The following TBL1XR1 variants were observed in gnomAD, a reference collection of about 807,000 sequenced individuals.
TBL1XR1 encodes F-box-like/WD repeat-containing protein TBL1XR1.
A neutral mutation model predicts 66.9 loss-of-function variants in TBL1XR1; 5 were observed. That is an observed-to-expected ratio of 0.07 (90% CI 0.04 to 0.16). The LOEUF is 0.16. Ranked by LOEUF, TBL1XR1 falls within the 10% of genes least tolerant of loss-of-function variation. The probability of loss-of-function intolerance (pLI) is 1.00; values close to 1 mark genes in which losing one functional copy is unlikely to be tolerated. For missense variants in TBL1XR1, 238 were observed against 623.2 expected (o/e 0.38, Z 6.58); for synonymous variants, 210 against 206.0 (o/e 1.02, Z -0.17).
At chr3:177,045,450 A>C (rs1187913738) in intron 10 of TBL1XR1, among the ~76,000 whole-genome samples, 1 of 152,092 alleles carries the variant, frequency 6.6e-6, no homozygotes, top group African/African-American at 2.4e-5. Flanking sequence ...GGCTCTACTC[A>C]AGCTGAATGT....
At chr3:177,159,493 C>CAAAATA (rs1388162522) in intron 1 of TBL1XR1, among the ~76,000 whole-genome samples, 1 of 152,096 alleles carries the variant, frequency 6.6e-6, no homozygotes, top group Non-Finnish European at 1.5e-5. Flanking sequence ...CAAGCTTGAT[C>CAAAATA]AAAATAACTA....
At chr3:177,104,739 A>T (rs553330964) in intron 1 of TBL1XR1, among the ~76,000 whole-genome samples, 2 of 152,350 alleles carry the variant, frequency 1.3e-5, no homozygotes, top group East Asian at 3.9e-4. Context: ...CAATTTAAAC[A>T]TGCACTGGTG....
At chr3:177,154,734 G>A (rs1731293881) in intron 1 of TBL1XR1, among the ~76,000 whole-genome samples, 1 of 152,062 alleles carries the variant, frequency 6.6e-6, no homozygotes, top group Admixed American at 6.6e-5. Context: ...TAGAGTTGGA[G>A]ATTAACACCC....
intron 1 of TBL1XR1, among the ~76,000 whole-genome samples, chr3:177,190,207 T>C (rs1735976082): frequency 7.0e-6 from 1 of 143,644 alleles, no homozygotes; most frequent in African/African-American, 2.6e-5. Flanking sequence ...ACCTGACACA[T>C]ATATAACCAG....
At chr3:177,057,500 G>A (rs1442285827) in intron 3 of TBL1XR1, among the ~76,000 whole-genome samples, 1 of 152,154 alleles carries the variant, frequency 6.6e-6, no homozygotes, top group Non-Finnish European at 1.5e-5. Context: ...ATACTATAAT[G>A]TATTTTGGCA....
At chr3:177,198,056 A>G (rs910508246), upstream of TBL1XR1, among the ~76,000 whole-genome samples, 1 of 151,440 alleles carries the variant, frequency 6.6e-6, no homozygotes, top group African/African-American at 2.4e-5. Flanking sequence ...CATGTGGGGG[A>G]GTGCGGCGCG....
chr3:177,131,153 T>C (rs898101077), intron 1 of TBL1XR1, among the ~76,000 whole-genome samples: 7 of 152,010 alleles, frequency 4.6e-5, no homozygotes, highest in African/African-American at 9.7e-5. Context: ...TCAGAGAATA[T>C]ATTGAGAACT....
At chr3:177,130,144 C>CAAAAAAAAAAAAAA (rs779815590) in intron 1 of TBL1XR1, among the ~76,000 whole-genome samples, 3 of 89,160 alleles carry the variant, frequency 3.4e-5, no homozygotes, top group Admixed American at 1.4e-4. Flanking sequence ...GACTCCATCT[C>CAAAAAAAAAAAAAA]AAAAAAAAAA....
chr3:177,060,683 T>A (rs1355232242), intron 3 of TBL1XR1, among the ~76,000 whole-genome samples: 1 of 152,160 alleles, frequency 6.6e-6, no homozygotes, highest in African/African-American at 2.4e-5. Flanking sequence ...AAGAAGTCAA[T>A]GGTGACGCAA....
At chr3:177,073,839 C>A (rs1447110917) in intron 2 of TBL1XR1, among the ~76,000 whole-genome samples, 3 of 152,182 alleles carry the variant, frequency 2.0e-5, no homozygotes, top group African/African-American at 7.2e-5. Context: ...TGGGATTCAG[C>A]ACGTTTTTGT....
intron 1 of TBL1XR1, among the ~76,000 whole-genome samples, chr3:177,163,017 A>G (rs1310784863): frequency 6.6e-6 from 1 of 152,186 alleles, no homozygotes; most frequent in Non-Finnish European, 1.5e-5. Flanking sequence ...AAATGCACGT[A>G]TCCTTTGACC....
In TBL1XR1 at chr3:177,129,478, G is replaced by A. The variant is rs1462824853; in HGVS notation, c.-121-30937C>T. Reference sequence around the variant, plus strand: ...AGTAAAATAAATCTCTTATAATGCTGAGAAAAACAAGCCATAAACAAGAGC... The same window carrying A: ...AGTAAAATAAATCTCTTATAATGCTAAGAAAAACAAGCCATAAACAAGAGC... On this transcript the variant is annotated intron_variant, in intron 1 of 15. Transcript: ENST00000457928. Among the ~76,000 whole-genome samples, 5 of 152,140 alleles carry A rather than the reference G, an allele frequency of 3.3e-5. No individual in the cohort carries two copies. In the South Asian group the frequency reaches 6.2e-4, roughly 19 times the overall value.
chr3:177,038,227 G>C, intron 11 of TBL1XR1, 55 bp from the exon 12 acceptor site: 1 of 1,602,088 alleles, frequency 6.2e-7, no homozygotes, highest in African/African-American at 1.3e-5. Flanking sequence ...GTAGCTACTT[G>C]AATATTAAAC....
chr3:177,146,186 A>G (rs1730215755), intron 1 of TBL1XR1, among the ~76,000 whole-genome samples: 1 of 152,148 alleles, frequency 6.6e-6, no homozygotes, highest in Non-Finnish European at 1.5e-5. Flanking sequence ...CTATCTCTAC[A>G]AACAGAATTT....
chr3:177,066,227 T>C (rs907081654), intron 2 of TBL1XR1, among the ~76,000 whole-genome samples: 2 of 152,114 alleles, frequency 1.3e-5, no homozygotes, highest in Non-Finnish European at 2.9e-5. Flanking sequence ...CTGCCCTACA[T>C]TGAGGACAAA....
intron 12 of TBL1XR1, among the ~76,000 whole-genome samples, chr3:177,035,977 A>C (rs958672094): frequency 6.6e-6 from 1 of 152,202 alleles, no homozygotes; most frequent in Non-Finnish European, 1.5e-5. Flanking sequence ...AGTAAAAAGC[A>C]CTTAAGCACC....
At chr3:177,174,284 C>A (rs924084887) in intron 1 of TBL1XR1, among the ~76,000 whole-genome samples, 22 of 151,838 alleles carry the variant, frequency 1.4e-4, no homozygotes, top group African/African-American at 5.1e-4. Flanking sequence ...TGGCAAGCAC[C>A]TGTAGTCCCA....
At chr3:177,180,995 C>T (rs141759336) in intron 1 of TBL1XR1, among the ~76,000 whole-genome samples, 18 of 152,036 alleles carry the variant, frequency 1.2e-4, no homozygotes, top group Non-Finnish European at 2.2e-4. Flanking sequence ...GGCCTACCAC[C>T]AAGTACTAGG....
intron 2 of TBL1XR1, among the ~76,000 whole-genome samples, chr3:177,073,650 A>G (rs557527538): frequency 6.6e-6 from 1 of 152,358 alleles, no homozygotes; most frequent in South Asian, 2.1e-4. Flanking sequence ...CCACTGTTCT[A>G]GGCCCTTAAC....
Sources: gnomAD v4.1 joint callset for allele counts (sites outside exome capture counted in the v4.1 genomes callset) on GRCh38, gnomAD v4.1.1 for gene constraint, MANE v1.5 for transcripts, NCBI Gene and HGNC (gene_info 2026-07-23, HGNC 2026-07-21) for gene names.